CDH23: variants seen among roughly 807,000 people sequenced by gnomAD.
The protein encoded by CDH23 is cadherin-23.
CDH23 carries 189 observed loss-of-function variants against 317.1 expected under a neutral mutation model. That is an observed-to-expected ratio of 0.60 (90% confidence interval 0.53 to 0.67). The LOEUF is 0.67. Among genes scored for constraint, CDH23 ranks in the 30% least tolerant of loss-of-function variants. The probability of loss-of-function intolerance (pLI) is 0.00; values close to 1 mark genes in which losing one functional copy is unlikely to be tolerated. For synonymous variants in CDH23, 1,839 were observed against 1,876.8 expected (o/e 0.98, Z 0.52); for missense variants, 4,401 against 4,592.4 (o/e 0.96, Z 1.20).
intron 6 of CDH23, among the ~76,000 whole-genome samples, chr10:71,515,425 C>T (rs1237711333): frequency 2.6e-5 from 4 of 151,284 alleles, no homozygotes; most frequent in East Asian, 3.9e-4. Context: ...CACACGCACA[C>T]ATACACATTG....
At chr10:71,549,757 T>C (rs1856478399) in intron 6 of CDH23, among the ~76,000 whole-genome samples, 1 of 152,220 alleles carries the variant, frequency 6.6e-6, no homozygotes, top group Non-Finnish European at 1.5e-5. Context: ...AGGTAGTTTC[T>C]TGGGGCCTCA....
At chr10:71,404,675 C>T (rs528643106) in intron 1 of CDH23, among the ~76,000 whole-genome samples, 19 of 152,372 alleles carry the variant, frequency 1.2e-4, no homozygotes, top group African/African-American at 4.3e-4. Flanking sequence ...GGAGGGCGGG[C>T]ATGCCTTGTC....
chr10:71,578,138 C>G, intron 9 of CDH23, 146 bp downstream of exon 9: 1 of 767,794 alleles, frequency 1.3e-6, no homozygotes, highest in Non-Finnish European at 2.2e-6. Context: ...GGACAGTCCT[C>G]GCCAAAGGGC....
At chr10:71,782,664 G>A (rs1317501102) in intron 41 of CDH23, among the ~76,000 whole-genome samples, 2 of 152,238 alleles carry the variant, frequency 1.3e-5, no homozygotes. Context: ...AGGGAGTGGT[G>A]CTGGTGTCTC....
chr10:71,499,682 A>C (rs895485485), intron 3 of CDH23, among the ~76,000 whole-genome samples: 1 of 151,294 alleles, frequency 6.6e-6, no homozygotes, highest in South Asian at 2.1e-4. Flanking sequence ...TCTACTAAAA[A>C]TACAAAATCA....
rs1854478706 is a variant in CDH23, at chr10:71,518,641, A to C, written c.429+7429A>C. On this transcript the variant is annotated intron_variant, in intron 6 of 69. Transcript: ENST00000224721. ...CCGTGATTTCGGTCATCAGCTGTGC[A>C]CACAGCATTGTTTGTGAGAAGCAGG... Among the ~76,000 whole-genome samples, 3 of 152,352 alleles carry C rather than the reference A, an allele frequency of 2.0e-5. No individual in the cohort carries two copies. The South Asian group carries it at 6.2e-4, about 32-fold the overall frequency.
intron 50 of CDH23, 56 bp downstream of exon 50, chr10:71,798,634 G>A: frequency 1.5e-6 from 2 of 1,365,666 alleles, no homozygotes; most frequent in South Asian, 2.7e-5. Flanking sequence ...TGCTTGCTTA[G>A]TCCCCAAGAG....
intron 1 of CDH23, among the ~76,000 whole-genome samples, chr10:71,403,326 C>CCTTTCTTTCTTTCTTTCTTTCTTT (rs201389920): frequency 1.6e-5 from 1 of 60,746 alleles, no homozygotes; most frequent in Non-Finnish European, 3.1e-5. Flanking sequence ...TTCCTTCCTT[C>CCTTTCTTTCTTTCTTTCTTTCTTT]CTTTCTTTCT....
chr10:71,442,902 C>T (rs1849962236), intron 2 of CDH23, among the ~76,000 whole-genome samples: 1 of 152,206 alleles, frequency 6.6e-6, no homozygotes. Flanking sequence ...GGAGGCAGGA[C>T]TGGAGGGCAG....
At position 71,566,818 on chromosome 10, in the gene CDH23, A is replaced by T; in HGVS notation, c.506A>T (p.Tyr169Phe). Residue 169 changes from tyrosine (Y) to phenylalanine (F), a missense_variant, in exon 7 of 70, where the codon TAC becomes TTC. By Grantham distance (22) the Tyr-to-Phe change is conservative. Around this residue, in one of 3 missense-constraint regions of CDH23, gnomAD observed 3,068 missense variants for 3,203.3 expected, o/e 0.96. Transcript: ENST00000224721. ...PDLGAGGSVL[Y>F]SFQPPSQFFA... ...TTGGGGGCAGGGGGCAGCGTCCTCT[A>T]CTCCTTCCAGCCCCCCTCCCAATTC... 1 of 1,613,586 alleles carries T rather than the reference A, an allele frequency of 6.2e-7. No individual in the cohort carries two copies. Among genetic ancestry groups the T allele is most frequent in the South Asian group, 1.1e-5 (1 of 91,062 alleles).
intron 8 of CDH23, among the ~76,000 whole-genome samples, chr10:71,576,879 A>G (rs1014498668): frequency 2.0e-5 from 3 of 152,196 alleles, no homozygotes; most frequent in Non-Finnish European, 2.9e-5. Flanking sequence ...CAGTCAATCA[A>G]TCAACCCATC....
At chr10:71,746,477 C>T (rs1401176614) in intron 38 of CDH23, among the ~76,000 whole-genome samples, 1 of 152,246 alleles carries the variant, frequency 6.6e-6, no homozygotes, top group Non-Finnish European at 1.5e-5. Flanking sequence ...CAGACCCAGG[C>T]CCGCCACACA....
chr10:71,606,801 G>A (rs939718746), intron 9 of CDH23, among the ~76,000 whole-genome samples: 1 of 152,162 alleles, frequency 6.6e-6, no homozygotes, highest in Non-Finnish European at 1.5e-5. Context: ...CATTTGAATG[G>A]AGGCCTGAAT....
chr10:71,737,106 G>A (rs1839588229), intron 34 of CDH23, among the ~76,000 whole-genome samples: 1 of 152,174 alleles, frequency 6.6e-6, no homozygotes, highest in African/African-American at 2.4e-5. Context: ...TTCACCCTGA[G>A]AACAGTGTGA....
intron 9 of CDH23, among the ~76,000 whole-genome samples, chr10:71,609,995 TGAGAGAGACAGAGAGAC>T (rs1367354207): frequency 1.8e-4 from 26 of 140,820 alleles, no homozygotes; most frequent in Non-Finnish European, 1.6e-5. Context: ...TGTGTGTGTG[TGAGAGAGACAGAGAGAC>T]GAGAGAGAGA....
chr10:71,569,650 C>A (rs146900157), intron 7 of CDH23, among the ~76,000 whole-genome samples: 35 of 152,350 alleles, frequency 2.3e-4, no homozygotes, highest in Admixed American at 6.5e-4. Flanking sequence ...TCTGGCTACA[C>A]ACTTAGAAGT....
chr10:71,638,720 A>T (rs565347977), intron 11 of CDH23, among the ~76,000 whole-genome samples: 1 of 152,328 alleles, frequency 6.6e-6, no homozygotes, highest in South Asian at 2.1e-4. Flanking sequence ...CCCAACATGT[A>T]AGCTCAACAA....
chr10:71,546,576 T>C (rs1856295375), intron 6 of CDH23, among the ~76,000 whole-genome samples: 1 of 152,190 alleles, frequency 6.6e-6, no homozygotes, highest in Non-Finnish European at 1.5e-5. Flanking sequence ...GAAACATGCA[T>C]AGGAGTTGGC....
chr10:71,716,068 C>T, intron 28 of CDH23: 1 of 1,515,968 alleles, frequency 6.6e-7, no homozygotes, highest in South Asian at 1.3e-5. Context: ...CCAGGCGCTT[C>T]CAGAGCCGGA....
Sources: allele counts gnomAD v4.1 joint callset (sites outside exome capture counted in the v4.1 genomes callset), GRCh38; gene constraint gnomAD v4.1.1; regional missense constraint gnomAD v4.1.1; transcripts MANE v1.5; gene names NCBI Gene and HGNC (gene_info 2026-07-23, HGNC 2026-07-21).